The following SCRG1 variants were observed in gnomAD, a reference collection of about 807,000 sequenced individuals.
SCRG1 encodes the protein scrapie-responsive protein 1.
Under a neutral mutation model 7.7 loss-of-function variants are expected in SCRG1, and 3 were observed. The observed-to-expected ratio is 0.39, with a 90% CI of 0.18 to 1.01. The LOEUF (loss-of-function observed/expected upper bound fraction) is 1.01, where lower values mean the gene tolerates loss of function less well. SCRG1 is among the 50% of genes least tolerant of loss of function. The pLI, the probability that SCRG1 is intolerant of heterozygous loss-of-function variation, is 0.36. For missense variants in SCRG1, 110 were observed against 117.2 expected (o/e 0.94, Z 0.28); for synonymous variants, 46 against 41.2 (o/e 1.12, Z -0.44).
chr4:173,482,647 G>C, the SCRG1 span, among the ~76,000 whole-genome samples: 1 of 151,728 alleles, frequency 6.6e-6, no homozygotes, highest in African/African-American at 2.4e-5. Flanking sequence ...GCAAAACCCT[G>C]TCTCTACAAA....
chr4:173,483,683 T>TAA, the SCRG1 span, among the ~76,000 whole-genome samples: 4 of 9,804 alleles, frequency 4.1e-4, 1 homozygote, highest in Non-Finnish European at 9.3e-4. Flanking sequence ...ATATGATATA[T>TAA]TATATTGTGA....
At chr4:173,417,328 T>C in the SCRG1 span, among the ~76,000 whole-genome samples, 2 of 152,154 alleles carry the variant, frequency 1.3e-5, no homozygotes, top group South Asian at 4.1e-4. Context: ...AGATGCCTCA[T>C]TTTATAGATT....
the SCRG1 span, among the ~76,000 whole-genome samples, chr4:173,456,223 AATTCGAATCTT>A: frequency 6.6e-6 from 1 of 152,224 alleles, no homozygotes; most frequent in African/African-American, 2.4e-5. Flanking sequence ...ATGTACACAG[AATTCGAATCTT>A]AAGTAGAGTG....
the SCRG1 span, among the ~76,000 whole-genome samples, chr4:173,487,641 G>A: frequency 1.3e-5 from 2 of 151,976 alleles, no homozygotes; most frequent in Non-Finnish European, 2.9e-5. Context: ...TAGACAAAAG[G>A]CAATTGAGAT....
At chr4:173,483,621 T>TGA in the SCRG1 span, among the ~76,000 whole-genome samples, 1 of 53,922 alleles carries the variant, frequency 1.9e-5, no homozygotes, top group African/African-American at 6.3e-5. Flanking sequence ...ATATGATATA[T>TGA]TATATTGTGA....
chr4:173,431,603 T>TG, the SCRG1 span, among the ~76,000 whole-genome samples: 5 of 152,338 alleles, frequency 3.3e-5, no homozygotes, highest in Middle Eastern at 6.8e-3. Flanking sequence ...GAGACTATGC[T>TG]GGGGCATTAA....
At chr4:173,488,127 A>AATT in the SCRG1 span, among the ~76,000 whole-genome samples, 1 of 151,106 alleles carries the variant, frequency 6.6e-6, no homozygotes, top group African/African-American at 2.4e-5. Flanking sequence ...ATAAATAAAT[A>AATT]AATAAATTTA....
the SCRG1 span, among the ~76,000 whole-genome samples, chr4:173,491,581 G>A: frequency 2.0e-4 from 31 of 152,168 alleles, no homozygotes; most frequent in African/African-American, 7.2e-4. Context: ...GAAGAGTCAA[G>A]GAATCAGCTC....
chr4:173,408,917 C>G (rs567931094), upstream of SCRG1, among the ~76,000 whole-genome samples: 2 of 144,880 alleles, frequency 1.4e-5, no homozygotes, highest in East Asian at 4.2e-4. Flanking sequence ...GGCGTGAACC[C>G]GGAGGCAGAG....
chr4:173,400,482 T>C (rs1004436029), upstream of SCRG1, among the ~76,000 whole-genome samples: 1 of 152,126 alleles, frequency 6.6e-6, no homozygotes, highest in Non-Finnish European at 1.5e-5. Context: ...TAGTAGGCAG[T>C]TGGTTAAATA....
At chr4:173,473,732 G>C in the SCRG1 span, among the ~76,000 whole-genome samples, 1 of 152,154 alleles carries the variant, frequency 6.6e-6, no homozygotes. Context: ...ATAAGGCCGT[G>C]GGGGGTTGCA....
the SCRG1 span, among the ~76,000 whole-genome samples, chr4:173,435,214 G>T: frequency 6.6e-6 from 1 of 152,112 alleles, no homozygotes; most frequent in Non-Finnish European, 1.5e-5. Context: ...GGAGCTAGGA[G>T]CAATACAGTG....
At chr4:173,455,304 T>A in the SCRG1 span, among the ~76,000 whole-genome samples, 1 of 152,202 alleles carries the variant, frequency 6.6e-6, no homozygotes, top group Non-Finnish European at 1.5e-5. Flanking sequence ...CACATACTCA[T>A]AAACACATTA....
upstream of SCRG1, among the ~76,000 whole-genome samples, chr4:173,408,306 A>G (rs1739964029): frequency 6.6e-6 from 1 of 152,202 alleles, no homozygotes; most frequent in South Asian, 2.1e-4. Flanking sequence ...TCAAATGACA[A>G]TTTGATCAAA....
At chr4:173,460,268 A>C in the SCRG1 span, among the ~76,000 whole-genome samples, 1 of 152,282 alleles carries the variant, frequency 6.6e-6, no homozygotes, top group African/African-American at 2.4e-5. Context: ...AGTGAGTCCT[A>C]GTGTCGAACT....
the SCRG1 span, among the ~76,000 whole-genome samples, chr4:173,453,478 T>C: frequency 6.6e-6 from 1 of 152,214 alleles, no homozygotes; most frequent in Admixed American, 6.5e-5. Flanking sequence ...ACCTAGACGG[T>C]AGAGCCTACT....
chr4:173,450,311 A>G, the SCRG1 span, among the ~76,000 whole-genome samples: 1 of 152,172 alleles, frequency 6.6e-6, no homozygotes, highest in Non-Finnish European at 1.5e-5. Flanking sequence ...ACAATTCCAG[A>G]TGAGATTTGG....
chr4:173,431,473 A>T, the SCRG1 span, among the ~76,000 whole-genome samples: 2 of 152,360 alleles, frequency 1.3e-5, no homozygotes, highest in South Asian at 4.1e-4. Flanking sequence ...TAAGGCAAAA[A>T]TACACAAATA....
chr4:173,435,717 C>T, the SCRG1 span, among the ~76,000 whole-genome samples: 1 of 152,068 alleles, frequency 6.6e-6, no homozygotes, highest in South Asian at 2.1e-4. Context: ...AAATGAAATA[C>T]AGAGCAAAGG....
Sources: gnomAD v4.1 joint callset for allele counts (sites outside exome capture counted in the v4.1 genomes callset) on GRCh38, gnomAD v4.1.1 for gene constraint, MANE v1.5 for transcripts, NCBI Gene and HGNC (gene_info 2026-07-23, HGNC 2026-07-21) for gene names.